The following PLEKHA6 variants were observed in gnomAD, a reference collection of about 807,000 sequenced individuals.
PLEKHA6 encodes the protein pleckstrin homology domain-containing family A member 6.
Under a neutral mutation model 116.7 loss-of-function variants are expected in PLEKHA6, and 60 were observed. The observed-to-expected ratio is 0.51, with a 90% CI of 0.42 to 0.64. PLEKHA6 has a LOEUF of 0.64. Ranked by LOEUF, PLEKHA6 falls within the 30% of genes least tolerant of loss-of-function variation. The pLI is 0.00. For synonymous variants in PLEKHA6, 489 were observed against 556.1 expected (o/e 0.88, Z 1.70); for missense variants, 1,338 against 1,422.7 (o/e 0.94, Z 0.96).
intron 9 of PLEKHA6, chr1:204,251,647 G>A (rs1485777433): frequency 2.3e-5 from 16 of 699,848 alleles, no homozygotes; most frequent in Middle Eastern, 4.6e-4. Context: ...TTCACACTCC[G>A]ACCTACATGT....
chr1:204,230,549 T>C lies in PLEKHA6; in HGVS notation c.2447A>G (p.Lys816Arg). The change falls in exon 18 of 23, where the codon AAG (lysine) becomes AGG (arginine). Residue 816 changes from lysine to arginine, a missense_variant. Physicochemically the swap from Lys to Arg is conservative, Grantham distance 26. This residue lies in a region of PLEKHA6 where 1,136 missense variants were observed against 1,163.6 expected (regional missense o/e 0.98). Coordinates refer to ENST00000272203, the MANE Select transcript of PLEKHA6 (RefSeq NM_014935.5). Reference sequence around the variant, plus strand: ...CTGCTCCTCCACGCTCATCTTGACCTTCCCCTCGCCAGGAAACACAGCACT... The same window carrying C: ...CTGCTCCTCCACGCTCATCTTGACCCTCCCCTCGCCAGGAAACACAGCACT... ...PKSAVFPGEGKVKMSVEEQID... is the reference protein window; with the variant it reads ...PKSAVFPGEGRVKMSVEEQID... 6.2e-7 allele frequency: 1 copy of C among 1,603,612 alleles called. No homozygotes were observed. Among genetic ancestry groups the C allele is most frequent in the Non-Finnish European group, 8.5e-7 (1 of 1,175,524 alleles).
intron 1 of PLEKHA6, among the ~76,000 whole-genome samples, chr1:204,332,564 T>C (rs751617839): frequency 1.3e-5 from 2 of 152,182 alleles, no homozygotes; most frequent in African/African-American, 2.4e-5. Flanking sequence ...GTATTTTTAG[T>C]AGAGATGGGG....
At chr1:204,281,339 C>A (rs1413427050) in intron 1 of PLEKHA6, among the ~76,000 whole-genome samples, 1 of 152,106 alleles carries the variant, frequency 6.6e-6, no homozygotes, top group Non-Finnish European at 1.5e-5. Context: ...TCCTGGCTAA[C>A]ACAGTGAAAC....
At chr1:204,323,170 CGG>C (rs1672125309) in intron 1 of PLEKHA6, among the ~76,000 whole-genome samples, 1 of 152,244 alleles carries the variant, frequency 6.6e-6, no homozygotes, top group African/African-American at 2.4e-5. Context: ...CAGTGCCCTC[CGG>C]GAGCTTGCAC....
intron 1 of PLEKHA6, among the ~76,000 whole-genome samples, chr1:204,325,171 A>G (rs142719360): frequency 1.2e-4 from 18 of 152,276 alleles, no homozygotes; most frequent in African/African-American, 3.8e-4. Context: ...CTCCTGAGAG[A>G]TAGGAAAGTC....
At chr1:204,353,199 T>C (rs1233656182) in intron 1 of PLEKHA6, among the ~76,000 whole-genome samples, 1 of 152,198 alleles carries the variant, frequency 6.6e-6, no homozygotes, top group Non-Finnish European at 1.5e-5. Flanking sequence ...TGACTGGCTC[T>C]GCGTGAAACA....
chr1:204,245,778 C>G, intron 13 of PLEKHA6, 52 bp from the exon 14 acceptor site: 1 of 1,335,030 alleles, frequency 7.5e-7, no homozygotes, highest in Middle Eastern at 1.8e-4. Context: ...GAGTGTCCAG[C>G]CCTTTCTCTC....
At chr1:204,249,020 G>C in intron 11 of PLEKHA6, 50 bp from the exon 12 acceptor site, 1 of 1,597,156 alleles carries the variant, frequency 6.3e-7, no homozygotes. Flanking sequence ...GCTCCTCTCT[G>C]GGATTGAACA....
chr1:204,338,006 T>C (rs576959189), intron 1 of PLEKHA6, among the ~76,000 whole-genome samples: 32 of 152,340 alleles, frequency 2.1e-4, no homozygotes, highest in African/African-American at 7.2e-4. Context: ...TTTCTTTTCA[T>C]CCAAACAACC....
chr1:204,262,958 G>T (rs1238099509), intron 6 of PLEKHA6, among the ~76,000 whole-genome samples: 1 of 152,186 alleles, frequency 6.6e-6, no homozygotes, highest in African/African-American at 2.4e-5. Context: ...CACACAGGCA[G>T]GGCTCGTGGG....
intron 1 of PLEKHA6, among the ~76,000 whole-genome samples, chr1:204,306,891 G>T (rs551356002): frequency 1.2e-4 from 18 of 152,026 alleles, no homozygotes; most frequent in Admixed American, 2.0e-4. Flanking sequence ...CTTACCCTAG[G>T]GGCATCAGTC....
intron 1 of PLEKHA6, among the ~76,000 whole-genome samples, chr1:204,337,959 T>C (rs1996003): frequency 0.95 from 145,068 of 152,324 alleles, 69,184 homozygotes; most frequent in East Asian, 1. Flanking sequence ...AATGCCCACT[T>C]GATGCCAAGT....
rs1437581227 is a variant in PLEKHA6 at position 204,238,799 on chromosome 1, T to G, written c.2409+2576A>C. Among the ~76,000 whole-genome samples, 26 of 152,186 alleles carry G rather than the reference T, an allele frequency of 1.7e-4. No individual in the cohort carries two copies. The highest frequency in any genetic ancestry group is 1.7e-3 in the Admixed American group (26 of 15,284). On this transcript the variant is annotated intron_variant, in intron 17 of 22. Coordinates refer to ENST00000272203, the MANE Select transcript of PLEKHA6 (RefSeq NM_014935.5). This position sits in a 1 kb window ranked among gnomAD's most constrained non-coding sequence, Gnocchi z 4.2. The stretch of plus-strand genomic sequence containing the variant: ...CAGGCACCACCCGAAAGTAGACAGC[T>G]GCAGCACTACAGCCCCTTTCTAGGA...
intron 1 of PLEKHA6, among the ~76,000 whole-genome samples, chr1:204,340,665 A>G (rs972360183): frequency 6.6e-6 from 1 of 152,178 alleles, no homozygotes; most frequent in Admixed American, 6.5e-5. Context: ...CTCGTTGGCC[A>G]GCAACATTCC....
chr1:204,320,272 T>C (rs1218885748), intron 1 of PLEKHA6, among the ~76,000 whole-genome samples: 2 of 152,154 alleles, frequency 1.3e-5, no homozygotes, highest in Non-Finnish European at 2.9e-5. Context: ...GATGGTGGCA[T>C]GCAATGTACA....
intron 1 of PLEKHA6, among the ~76,000 whole-genome samples, chr1:204,330,057 G>C (rs1672392802): frequency 6.6e-6 from 1 of 152,102 alleles, no homozygotes; most frequent in Non-Finnish European, 1.5e-5. Flanking sequence ...TATAATCAGG[G>C]AAATATAAAC....
intron 1 of PLEKHA6, among the ~76,000 whole-genome samples, chr1:204,356,998 T>A (rs1050313881): frequency 2.6e-5 from 4 of 152,222 alleles, no homozygotes; most frequent in African/African-American, 9.6e-5. Flanking sequence ...AACCTAAATG[T>A]CCAATATAGA....
At chr1:204,231,750 T>C (rs1661210783) in intron 17 of PLEKHA6, among the ~76,000 whole-genome samples, 1 of 152,054 alleles carries the variant, frequency 6.6e-6, no homozygotes, top group Non-Finnish European at 1.5e-5. Context: ...TAATTATTAT[T>C]ATTTGTAGAG....
intron 17 of PLEKHA6, among the ~76,000 whole-genome samples, chr1:204,236,109 T>C (rs1168047356): frequency 6.6e-6 from 1 of 152,192 alleles, no homozygotes; most frequent in Non-Finnish European, 1.5e-5. Flanking sequence ...GGCATGGGAA[T>C]GGATATTAAG....
Sources: gnomAD v4.1 joint callset for allele counts (sites outside exome capture counted in the v4.1 genomes callset) on GRCh38, gnomAD v4.1.1 for gene constraint, gnomAD v4.1.1 regional missense constraint, Gnocchi (gnomAD v3.1) non-coding constraint, MANE v1.5 for transcripts, NCBI Gene and HGNC (gene_info 2026-07-23, HGNC 2026-07-21) for gene names.